The following SLC24A4 variants were observed in gnomAD, a reference collection of about 807,000 sequenced individuals.
SLC24A4 encodes solute carrier family 24 member 4.
A neutral mutation model predicts 79.0 loss-of-function variants in SLC24A4; 53 were observed. The observed-to-expected ratio is 0.67, with a 90% CI of 0.54 to 0.84. The LOEUF (loss-of-function observed/expected upper bound fraction) is 0.84. SLC24A4 is among the 40% of genes least tolerant of loss of function. SLC24A4 has a pLI of 0.00. For missense variants in SLC24A4, 731 were observed against 822.0 expected, an observed-to-expected ratio of 0.89 and a Z score of 1.35; for synonymous variants, 323 against 323.8, an observed-to-expected ratio of 1.00 and a Z score of 0.03.
At chr14:92,412,593 A>G (rs1471343401) in intron 2 of SLC24A4, among the ~76,000 whole-genome samples, 5 of 152,052 alleles carry the variant, frequency 3.3e-5, no homozygotes, top group Non-Finnish European at 5.9e-5. Context: ...ATCTCAGTTC[A>G]TGGTGTCACC....
intron 2 of SLC24A4, among the ~76,000 whole-genome samples, chr14:92,364,868 G>A (rs1887736689): frequency 6.6e-6 from 1 of 152,208 alleles, no homozygotes; most frequent in Non-Finnish European, 1.5e-5. Flanking sequence ...CCTCATTAGT[G>A]TTTGCTAAAG....
intron 2 of SLC24A4, among the ~76,000 whole-genome samples, chr14:92,331,176 C>T (rs1220313853): frequency 6.6e-6 from 1 of 152,208 alleles, no homozygotes; most frequent in Non-Finnish European, 1.5e-5. Flanking sequence ...GTCATCGCCA[C>T]CTTCACAGGC....
chr14:92,489,849 C>G (rs1363659116), intron 14 of SLC24A4, among the ~76,000 whole-genome samples: 1 of 152,206 alleles, frequency 6.6e-6, no homozygotes, highest in Non-Finnish European at 1.5e-5. Context: ...CCCTCCTGAC[C>G]TGCCGGAGTG....
intron 14 of SLC24A4, among the ~76,000 whole-genome samples, chr14:92,489,537 C>A (rs574920279): frequency 1.1e-3 from 174 of 152,294 alleles, no homozygotes; most frequent in South Asian, 4.1e-3. Flanking sequence ...CCCGAGGCAC[C>A]ATATCCTGGC....
intron 2 of SLC24A4, among the ~76,000 whole-genome samples, chr14:92,392,298 A>T (rs1203593884): frequency 6.6e-6 from 1 of 151,654 alleles, no homozygotes; most frequent in Non-Finnish European, 1.5e-5. Context: ...TTGAAAGAAA[A>T]GACGATAGCA....
intron 2 of SLC24A4, among the ~76,000 whole-genome samples, chr14:92,372,867 C>CCCTTCCTTCCTTCCTTCCTTCCTT (rs1276150058): frequency 1.0e-4 from 11 of 109,892 alleles, no homozygotes; most frequent in African/African-American, 3.6e-4. Context: ...GGGTCACTGT[C>CCCTTCCTTCCTTCCTTCCTTCCTT]CCTTCCTTCC....
At chr14:92,492,474 C>G (rs1895738250) in intron 16 of SLC24A4, among the ~76,000 whole-genome samples, 1 of 152,082 alleles carries the variant, frequency 6.6e-6, no homozygotes, top group Admixed American at 6.5e-5. Context: ...AAGCGAATTG[C>G]ATTTCCTTTC....
intron 2 of SLC24A4, among the ~76,000 whole-genome samples, chr14:92,414,098 A>C (rs1039254898): frequency 1.3e-5 from 2 of 152,144 alleles, no homozygotes; most frequent in South Asian, 4.1e-4. Context: ...ATCAGTGTTC[A>C]GTGGGCAAAG....
At chr14:92,345,820 G>A (rs1406064149) in intron 2 of SLC24A4, among the ~76,000 whole-genome samples, 1 of 152,264 alleles carries the variant, frequency 6.6e-6, no homozygotes, top group African/African-American at 2.4e-5. Context: ...GCCAGGCACT[G>A]GGAGACAGCA....
intron 2 of SLC24A4, among the ~76,000 whole-genome samples, chr14:92,336,950 T>C (rs1412568384): frequency 6.6e-6 from 1 of 152,182 alleles, no homozygotes; most frequent in Non-Finnish European, 1.5e-5. Context: ...AACCACTGTG[T>C]CTTGCTCATT....
At chr14:92,455,954 G>A (rs1449234717) in intron 11 of SLC24A4, among the ~76,000 whole-genome samples, 3 of 152,186 alleles carry the variant, frequency 2.0e-5, no homozygotes, top group Non-Finnish European at 2.9e-5. Flanking sequence ...ACCCACCTCG[G>A]CCTCCCAAAG....
intron 12 of SLC24A4, among the ~76,000 whole-genome samples, chr14:92,479,859 T>G (rs565230593): frequency 6.6e-6 from 1 of 152,374 alleles, no homozygotes; most frequent in Admixed American, 6.5e-5. Context: ...GGGAAAATTT[T>G]AAATTGCTGT....
intron 12 of SLC24A4, among the ~76,000 whole-genome samples, chr14:92,456,945 C>T (rs1195526867): frequency 6.6e-6 from 1 of 152,174 alleles, no homozygotes; most frequent in Non-Finnish European, 1.5e-5. Context: ...AAGCAGTCCA[C>T]AGTGTTATTT....
intron 9 of SLC24A4, 25 bp downstream of exon 9, chr14:92,447,449 G>A (rs1892864576): frequency 1.2e-6 from 2 of 1,610,932 alleles, no homozygotes; most frequent in South Asian, 1.1e-5. Flanking sequence ...TCCTCCCCGG[G>A]GCTGCCGACG....
chr14:92,439,475 C>A, intron 4 of SLC24A4, 66 bp downstream of exon 4: 1 of 1,411,870 alleles, frequency 7.1e-7, no homozygotes, highest in Non-Finnish European at 1.0e-6. Flanking sequence ...AAATGCCAAG[C>A]CAAGAAGGCC....
At chr14:92,391,246 C>T (rs986241181) in intron 2 of SLC24A4, among the ~76,000 whole-genome samples, 1 of 152,204 alleles carries the variant, frequency 6.6e-6, no homozygotes, top group Non-Finnish European at 1.5e-5. Context: ...GCGTGGAGTG[C>T]AGGGAAGGTG....
rs533242278 is a variant in SLC24A4, at chr14:92,435,490, G to A, written c.318+1502G>A. Reference sequence around the variant, plus strand: ...TGCCCCTTTACAGAAAAGGTTTGCTGACTCTATTGTGTGGTGTGGAGAAAT... The same window carrying A: ...TGCCCCTTTACAGAAAAGGTTTGCTAACTCTATTGTGTGGTGTGGAGAAAT... On this transcript the variant is annotated intron_variant, in intron 3 of 16. Coordinates refer to ENST00000532405, the MANE Select transcript of SLC24A4 (RefSeq NM_153646.4). Among the ~76,000 whole-genome samples the A allele has an allele frequency of 1.1e-4, 16 of 152,304 alleles. No individual in the cohort carries two copies. The South Asian group carries it at 3.3e-3, about 32-fold the overall frequency.
chr14:92,430,092 G>A (rs918042764), intron 2 of SLC24A4, among the ~76,000 whole-genome samples: 1 of 152,194 alleles, frequency 6.6e-6, no homozygotes, highest in African/African-American at 2.4e-5. Context: ...AACATGCATC[G>A]ATTCACATTC....
chr14:92,438,824 G>T (rs534260648), intron 3 of SLC24A4, among the ~76,000 whole-genome samples: 12 of 152,266 alleles, frequency 7.9e-5, no homozygotes, highest in African/African-American at 2.9e-4. Flanking sequence ...GGCCACTGGT[G>T]ATCAATTCAA....
Sources: allele counts gnomAD v4.1 joint callset (sites outside exome capture counted in the v4.1 genomes callset), GRCh38; gene constraint gnomAD v4.1.1; transcripts MANE v1.5; gene names NCBI Gene and HGNC (gene_info 2026-07-23, HGNC 2026-07-21).